PCDHAC1: variants seen among roughly 807,000 people sequenced by gnomAD.
The protein encoded by PCDHAC1 is protocadherin alpha-C1.
Under a neutral mutation model 60.0 loss-of-function variants are expected in PCDHAC1, and 42 were observed. That is an observed-to-expected ratio of 0.70 (90% CI 0.55 to 0.90). The LOEUF is 0.90. Ranked by LOEUF, PCDHAC1 falls within the 40% of genes least tolerant of loss-of-function variation. The pLI, the probability that PCDHAC1 is intolerant of heterozygous loss-of-function variation, is 0.00. For synonymous variants in PCDHAC1, 468 were observed against 499.3 expected (o/e 0.94, Z 0.84); for missense variants, 1,160 against 1,222.3 (o/e 0.95, Z 0.76).
rs57893927 is a variant in PCDHAC1 at position 140,946,631 on chromosome 5, T to TATATATAC, written c.2433+17307_2433+17308insTATATACA. Among the ~76,000 whole-genome samples the TATATATAC allele has an allele frequency of 9.9e-4, 130 of 131,716 alleles. 1 individual carries two copies. The highest frequency in any genetic ancestry group is 2.9e-3 in the East Asian group (14 of 4,862). 86.4% of individuals were successfully genotyped at this position (131,716 alleles called of 152,430 possible). A position where few individuals can be genotyped will look rare whatever the true frequency, so the allele number is the denominator to read the frequency against. ...TGTGAAATATATATATATATATATA[T>TATATATAC]ACAATGGAATACTCATCAGCCATTA... On this transcript the variant is annotated intron_variant, in intron 1 of 3. Coordinates refer to ENST00000253807, the MANE Select transcript of PCDHAC1 (RefSeq NM_018898.5).
At chr5:140,979,865 G>C (rs2096867408) in intron 2 of PCDHAC1, among the ~76,000 whole-genome samples, 1 of 152,162 alleles carries the variant, frequency 6.6e-6, no homozygotes, top group Non-Finnish European at 1.5e-5. Flanking sequence ...CAAAATATCT[G>C]GGCAACTATC....
chr5:140,928,731 C>T lies in PCDHAC1; in HGVS notation c.1839C>T (p.Ala613=). ...ASDSSLFRIS[A]NIGELRTARL... ...ACTCTAGTCTCTTTAGAATTTCAGC[C>T]AATATAGGTGAGCTCCGTACTGCTC... The change falls in exon 1 of 4, where the codon GCC becomes GCT. Residue 613 remains alanine, a synonymous_variant. Coordinates refer to ENST00000253807, the MANE Select transcript of PCDHAC1 (RefSeq NM_018898.5). 2 of 1,614,164 alleles carry T rather than the reference C, an allele frequency of 1.2e-6. No homozygotes were observed. The highest frequency in any genetic ancestry group is 1.7e-6 in the Non-Finnish European group (2 of 1,180,034).
intron 1 of PCDHAC1, among the ~76,000 whole-genome samples, chr5:140,942,323 T>C (rs1489572732): frequency 6.6e-6 from 1 of 151,970 alleles, no homozygotes; most frequent in Non-Finnish European, 1.5e-5. Flanking sequence ...GGCACAAGAA[T>C]CACTTGAACC....
At chr5:140,985,138 C>T (rs972329850) in intron 3 of PCDHAC1, among the ~76,000 whole-genome samples, 3 of 152,016 alleles carry the variant, frequency 2.0e-5, no homozygotes, top group Non-Finnish European at 2.9e-5. Flanking sequence ...GGGGTTTCAC[C>T]GTGTTAGCCA....
rs781964406 is a variant in PCDHAC1, at chr5:140,928,994, T to G, written c.2102T>G (p.Phe701Cys). Reference protein sequence around the residue: ...ISFLFLGCLLFFVCTKLHQSP... With the variant: ...ISFLFLGCLLCFVCTKLHQSP... ...TTTTTATTTCTGGGGTGCTTACTTT[T>G]CTTCGTGTGTACCAAGTTGCACCAG... Residue 701 changes from phenylalanine to cysteine, a missense_variant, in exon 1 of 4, where the codon TTC becomes TGC. Coordinates refer to ENST00000253807, the MANE Select transcript of PCDHAC1 (RefSeq NM_018898.5). 1.2e-6 allele frequency: 2 copies of G among 1,613,992 alleles called. No individual in the cohort carries two copies. Among genetic ancestry groups the G allele is most frequent in the Admixed American group, 3.3e-5 (2 of 60,002 alleles).
At chr5:140,968,410 T>A (rs1554230678) in intron 1 of PCDHAC1, 2 of 1,614,040 alleles carry the variant, frequency 1.2e-6, no homozygotes, top group Non-Finnish European at 1.7e-6. Flanking sequence ...TCTTTGTGAC[T>A]GTGGAGGCTC....
At chr5:140,961,887 G>GTTT (rs35680913) in intron 1 of PCDHAC1, among the ~76,000 whole-genome samples, 3 of 143,936 alleles carry the variant, frequency 2.1e-5, no homozygotes, top group Non-Finnish European at 3.1e-5. Context: ...ACTTACATCA[G>GTTT]TTTTTTTTTT....
chr5:140,998,495 C>T (rs782386986), intron 3 of PCDHAC1, among the ~76,000 whole-genome samples: 17 of 152,170 alleles, frequency 1.1e-4, no homozygotes, highest in Non-Finnish European at 1.9e-4. Context: ...TCTTTGAGAA[C>T]AGGGTACTTG....
chr5:140,946,731 G>T (rs1183627101), intron 1 of PCDHAC1, among the ~76,000 whole-genome samples: 1 of 150,574 alleles, frequency 6.6e-6, no homozygotes, highest in African/African-American at 2.5e-5. Flanking sequence ...AATAAGCCAG[G>T]CACAGAAAGA....
intron 1 of PCDHAC1, among the ~76,000 whole-genome samples, chr5:140,937,805 G>A (rs1192616946): frequency 1.3e-5 from 2 of 149,798 alleles, no homozygotes; most frequent in African/African-American, 2.5e-5. Context: ...CCAGCTACTC[G>A]GGAAGCTGAG....
intron 1 of PCDHAC1, chr5:140,969,215 C>G (rs782320507): frequency 6.2e-7 from 1 of 1,614,128 alleles, no homozygotes; most frequent in South Asian, 1.1e-5. Flanking sequence ...CCAGACAGGA[C>G]CAGGGCCTTC....
intron 1 of PCDHAC1, among the ~76,000 whole-genome samples, chr5:140,974,838 A>G (rs1554236389): frequency 6.6e-6 from 1 of 152,134 alleles, no homozygotes; most frequent in Admixed American, 6.5e-5. Context: ...ATTATTTTAA[A>G]TGTTATATTC....
intron 1 of PCDHAC1, among the ~76,000 whole-genome samples, chr5:140,942,047 T>C (rs2093223138): frequency 6.6e-6 from 1 of 152,228 alleles, no homozygotes; most frequent in African/African-American, 2.4e-5. Context: ...TGGTCTATTA[T>C]GAAATGTTTG....
At chr5:140,958,503 C>T (rs1426161443) in intron 1 of PCDHAC1, among the ~76,000 whole-genome samples, 1 of 152,118 alleles carries the variant, frequency 6.6e-6, no homozygotes, top group Non-Finnish European at 1.5e-5. Context: ...TCCTAGGAGG[C>T]ATGGCTGTCC....
chr5:141,002,679 G>A (rs1554258764), intron 3 of PCDHAC1, among the ~76,000 whole-genome samples: 1 of 152,134 alleles, frequency 6.6e-6, no homozygotes, highest in Non-Finnish European at 1.5e-5. Context: ...AAACCTATAC[G>A]ACGTGCAGAT....
chr5:140,990,611 G>T lies in PCDHAC1; in HGVS notation c.2581+8048G>T, dbSNP rs577900189. ...AATCACCTGGAGTCAGATGAATACCGTAAAGGTCTGTGGTAAGACTAGAAG... is the reference window on the plus strand; with the variant it reads ...AATCACCTGGAGTCAGATGAATACCTTAAAGGTCTGTGGTAAGACTAGAAG... On this transcript the variant is annotated intron_variant, in intron 3 of 3. Transcript: ENST00000253807. 5.3e-5 allele frequency among the ~76,000 whole-genome samples: 8 copies of T among 152,230 alleles called. No homozygotes were observed. In the East Asian group the frequency reaches 9.6e-4, roughly 18 times the overall value.
chr5:140,928,930 C>T lies in PCDHAC1; in HGVS notation c.2038C>T (p.Gln680Ter). 1 of 1,614,108 alleles carries T rather than the reference C, an allele frequency of 6.2e-7. No homozygotes were observed. The highest frequency in any genetic ancestry group is 8.5e-7 in the Non-Finnish European group (1 of 1,180,032). Residue 680 changes from glutamine (Q) to a stop codon, truncating the protein, a stop_gained, in exon 1 of 4, where the codon CAG becomes TAG. Coordinates refer to ENST00000253807, the MANE Select transcript of PCDHAC1 (RefSeq NM_018898.5). LOFTEE classifies it high-confidence loss of function. ...GGAACCAGGAGGGCAGCTTTCTGCC[C>T]AGAACTTGTATTTAGTAATTGCCTT... ...VWEPGGQLSA[Q>*]NLYLVIALAC...
At chr5:140,977,813 C>T (rs1347788650) in intron 1 of PCDHAC1, among the ~76,000 whole-genome samples, 1 of 152,192 alleles carries the variant, frequency 6.6e-6, no homozygotes, top group Non-Finnish European at 1.5e-5. Flanking sequence ...GAATTATTGA[C>T]AGTTTTGAAT....
chr5:140,982,308 A>T, intron 2 of PCDHAC1, 167 bp from the exon 3 acceptor site: 1 of 1,269,286 alleles, frequency 7.9e-7, no homozygotes. Context: ...ATGCTTCTGC[A>T]GTTTATGCAG....
Sources: allele counts gnomAD v4.1 joint callset (sites outside exome capture counted in the v4.1 genomes callset), GRCh38; gene constraint gnomAD v4.1.1; transcripts MANE v1.5; gene names NCBI Gene and HGNC (gene_info 2026-07-23, HGNC 2026-07-21).